MINDY3: variants seen among roughly 807,000 people sequenced by gnomAD.
MINDY3 encodes ubiquitin carboxyl-terminal hydrolase MINDY-3.
MINDY3 carries 38 observed loss-of-function variants against 69.2 expected under a neutral mutation model. The observed-to-expected ratio is 0.55, with a 90% CI of 0.42 to 0.72. The LOEUF is 0.72. MINDY3 is among the 30% of genes least tolerant of loss of function. The pLI, the probability that MINDY3 is intolerant of heterozygous loss-of-function variation, is 0.00. For synonymous variants in MINDY3, 192 were observed against 180.1 expected (o/e 1.07, Z -0.53); for missense variants, 522 against 519.0 (o/e 1.01, Z -0.06).
intron 2 of MINDY3, among the ~76,000 whole-genome samples, chr10:15,847,012 C>T (rs546954778): frequency 1.3e-5 from 2 of 152,208 alleles, no homozygotes; most frequent in African/African-American, 2.4e-5. Flanking sequence ...TGCGAGCCAC[C>T]GTGCCTGGCC....
At chr10:15,822,734 C>T (rs754320163) in intron 8 of MINDY3, among the ~76,000 whole-genome samples, 5 of 151,836 alleles carry the variant, frequency 3.3e-5, no homozygotes, top group African/African-American at 4.8e-5. Context: ...AGGAGAGAAA[C>T]GTCAGGGTTG....
chr10:15,781,861 A>T (rs1467591727), intron 14 of MINDY3, among the ~76,000 whole-genome samples: 1 of 152,160 alleles, frequency 6.6e-6, no homozygotes, highest in Non-Finnish European at 1.5e-5. Context: ...CTTTCACTGG[A>T]CTAACTACGA....
At chr10:15,845,595 G>T (rs1165621909) in intron 2 of MINDY3, among the ~76,000 whole-genome samples, 1 of 151,812 alleles carries the variant, frequency 6.6e-6, no homozygotes, top group Non-Finnish European at 1.5e-5. Context: ...GAACTCCTGA[G>T]CTCAAAGACC....
chr10:15,857,137 T>G (rs2132158372), intron 1 of MINDY3, among the ~76,000 whole-genome samples: 1 of 152,310 alleles, frequency 6.6e-6, no homozygotes, highest in Admixed American at 6.5e-5. Flanking sequence ...CATCTTTTAT[T>G]ACTCTCCTTT....
intron 7 of MINDY3, among the ~76,000 whole-genome samples, 166 bp from the exon 8 acceptor site, chr10:15,833,875 T>C (rs1342292210): frequency 6.6e-6 from 1 of 152,112 alleles, no homozygotes; most frequent in Non-Finnish European, 1.5e-5. Context: ...CCTTGCTAAA[T>C]GTATCACCAA....
intron 9 of MINDY3, 62 bp from the exon 10 acceptor site, chr10:15,816,977 T>C: frequency 1.6e-6 from 2 of 1,239,574 alleles, no homozygotes; most frequent in Non-Finnish European, 2.4e-6. Context: ...TGCCTCTTAT[T>C]TGCCCATAAA....
chr10:15,806,652 A>C (rs999393196), intron 10 of MINDY3, among the ~76,000 whole-genome samples: 1 of 152,190 alleles, frequency 6.6e-6, no homozygotes, highest in Non-Finnish European at 1.5e-5. Context: ...ACAGACTTTC[A>C]TATAGTAAGG....
At chr10:15,837,462 A>G in intron 5 of MINDY3, 144 bp from the exon 6 acceptor site, 1 of 1,316,088 alleles carries the variant, frequency 7.6e-7, no homozygotes, top group Admixed American at 2.5e-5. Context: ...TTTTCATTAC[A>G]AATTTAGCCA....
At chr10:15,848,919 T>C (rs149987586) in intron 1 of MINDY3, among the ~76,000 whole-genome samples, 3 of 152,144 alleles carry the variant, frequency 2.0e-5, no homozygotes, top group African/African-American at 7.2e-5. Context: ...ATTCCATTAA[T>C]TGTTACTATT....
At chr10:15,832,677 C>A (rs1489891058) in intron 8 of MINDY3, among the ~76,000 whole-genome samples, 2 of 152,064 alleles carry the variant, frequency 1.3e-5, no homozygotes, top group Non-Finnish European at 2.9e-5. Flanking sequence ...AAGAAGTGAA[C>A]TTAGTTCTTA....
intron 13 of MINDY3, among the ~76,000 whole-genome samples, chr10:15,783,560 T>C (rs560723878): frequency 6.6e-6 from 1 of 152,274 alleles, no homozygotes; most frequent in South Asian, 2.1e-4. Flanking sequence ...CACTAGTTAG[T>C]TTTTTACTAC....
chr10:15,810,991 A>C (rs1838960158), intron 10 of MINDY3, among the ~76,000 whole-genome samples: 1 of 152,164 alleles, frequency 6.6e-6, no homozygotes, highest in African/African-American at 2.4e-5. Flanking sequence ...TACAATTACC[A>C]CTTAACACCC....
chr10:15,817,591 AG>A (rs1260588697), intron 9 of MINDY3: 3 of 152,236 alleles, frequency 2.0e-5, no homozygotes, highest in Non-Finnish European at 2.9e-5. Flanking sequence ...AGAAAAAAAA[AG>A]TTTAATACTA....
intron 1 of MINDY3, among the ~76,000 whole-genome samples, chr10:15,850,326 G>A (rs1399922501): frequency 6.6e-6 from 1 of 152,210 alleles, no homozygotes; most frequent in African/African-American, 2.4e-5. Context: ...CAACAGGATG[G>A]CTGCAGTGTT....
chr10:15,834,596 G>GT lies in MINDY3; in HGVS notation c.596dup (p.Asn199LysfsTer4). Reference sequence around the variant, plus strand: ...AGGGTTCACTTGCATCTTCAATTTCGTTTTTTATGTTTTCAATGCCCTAAA... The same window carrying GT: ...AGGGTTCACTTGCATCTTCAATTTCGTTTTTTTATGTTTTCAATGCCCTAAA... On this transcript the variant is annotated frameshift_variant, in exon 7 of 15. Transcript: ENST00000277632. LOFTEE classifies it high-confidence loss of function. 6.2e-7 allele frequency: 1 copy of GT among 1,610,004 alleles called. No homozygotes were observed. Among genetic ancestry groups the GT allele is most frequent in the East Asian group, 2.2e-5 (1 of 44,666 alleles).
chr10:15,821,441 A>G (rs1030529844), intron 9 of MINDY3, among the ~76,000 whole-genome samples: 4 of 152,172 alleles, frequency 2.6e-5, no homozygotes, highest in African/African-American at 9.7e-5. Flanking sequence ...TCCGACAAAA[A>G]TAACAACAGA....
chr10:15,833,861 T>C (rs1832900150), intron 7 of MINDY3, 152 bp from the exon 8 acceptor site: 2 of 627,348 alleles, frequency 3.2e-6, no homozygotes, highest in Admixed American at 2.8e-5. Context: ...TTTTATATAT[T>C]CGGCCTTGCT....
intron 10 of MINDY3, among the ~76,000 whole-genome samples, chr10:15,797,392 C>T (rs1440135228): frequency 2.0e-5 from 3 of 152,128 alleles, no homozygotes; most frequent in African/African-American, 7.2e-5. Flanking sequence ...TTGCTAGAAA[C>T]TTCTTAGGCT....
Position 15,841,526 on chromosome 10 carries a change from T to A in MINDY3, c.309A>T (p.Gly103=). 1 of 1,611,848 alleles carries A rather than the reference T, an allele frequency of 6.2e-7. No individual in the cohort carries two copies. The highest frequency in any genetic ancestry group is 8.5e-7 in the Non-Finnish European group (1 of 1,178,490). The change falls in exon 4 of 15, where the codon GGA becomes GGT. Residue 103 remains glycine, a synonymous_variant. Transcript: ENST00000277632. ...ILESACCDHS[G]SYCLVSWLRG... The stretch of plus-strand genomic sequence containing the variant: ...TTAACCATGAAACCAAGCAGTATGA[T>A]CCAGAGTGGTCACAACAAGCACTTT...
Sources: gnomAD v4.1 joint callset for allele counts (sites outside exome capture counted in the v4.1 genomes callset) on GRCh38, gnomAD v4.1.1 for gene constraint, MANE v1.5 for transcripts, NCBI Gene and HGNC (gene_info 2026-07-23, HGNC 2026-07-21) for gene names.